TSC1: variants seen among roughly 807,000 people sequenced by gnomAD.
The protein encoded by TSC1 is hamartin.
TSC1 carries 20 observed loss-of-function variants against 124.3 expected under a neutral mutation model. The observed-to-expected ratio is 0.16, with a 90% CI of 0.11 to 0.23. The LOEUF is 0.23. Among genes scored for constraint, TSC1 ranks in the 10% least tolerant of loss-of-function variants. The probability of loss-of-function intolerance (pLI) is 1.00; values close to 1 mark genes in which losing one functional copy is unlikely to be tolerated. For missense variants in TSC1, 1,124 were observed against 1,448.5 expected (o/e 0.78, Z 3.64); for synonymous variants, 493 against 539.1 (o/e 0.91, Z 1.19).
rs751467429 is a variant in TSC1 at position 132,896,385 on chromosome 9, C to T, written c.3345G>A (p.Glu1115=). 1 of 1,614,230 alleles carries T rather than the reference C, an allele frequency of 6.2e-7. No individual in the cohort carries two copies. Among genetic ancestry groups the T allele is most frequent in the South Asian group, 1.1e-5 (1 of 91,082 alleles). ...CTTTGCCCAGTTCTGTCTTTAGGCT[C>T]TCAGAAAGGCTACTGGTCATGCCGT... ...DEDGMTSSLS[E]SLKTELGKDL... Residue 1115 remains glutamate, a synonymous_variant, in exon 23 of 23, where the codon GAG becomes GAA. Coordinates refer to ENST00000298552, the MANE Select transcript of TSC1 (RefSeq NM_000368.5). The surrounding 1 kb of genome is among the most constrained non-coding windows in gnomAD (Gnocchi z 4.5).
At chr9:132,943,001 A>G (rs1847819913) in intron 1 of TSC1, among the ~76,000 whole-genome samples, 1 of 152,234 alleles carries the variant, frequency 6.6e-6, no homozygotes, top group African/African-American at 2.4e-5. Context: ...AGGAATGTTC[A>G]ATTTAAGAAT....
chr9:132,918,543 A>G (rs1197770056), intron 8 of TSC1, among the ~76,000 whole-genome samples: 2 of 152,198 alleles, frequency 1.3e-5, no homozygotes, highest in Non-Finnish European at 2.9e-5. Context: ...TACCTGGATA[A>G]AGTATTCCAG....
At position 132,900,530 on chromosome 9, in the gene TSC1, T is replaced by C. The variant is rs562933287; in HGVS notation, c.2625+185A>G. On this transcript the variant is annotated intron_variant, in intron 20 of 22. Transcript: ENST00000298552. ...GTGAGTTAACTTCAAAGCAACCCAA[T>C]AGGAGAAACAAGCTCACATGGTGGC... 1.7e-4 allele frequency: 150 copies of C among 897,970 alleles called. No individual in the cohort carries two copies. In the African/African-American group the frequency reaches 1.9e-3, roughly 11 times the overall value. The allele number at this position is 897,970 out of a possible 1,614,324, so 55.6% of individuals were successfully genotyped here.
In TSC1 at chr9:132,937,173, G is replaced by A. The variant is rs545136916; in HGVS notation, c.-143-2078C>T. 2.1e-3 allele frequency among the ~76,000 whole-genome samples: 314 copies of A among 152,366 alleles called. 4 individuals carry two copies. Among genetic ancestry groups the A allele is most frequent in the African/African-American group, 7.0e-3 (291 of 41,584 alleles). On this transcript the variant is annotated intron_variant, in intron 1 of 22. Transcript: ENST00000298552. ...AGTGCAGGAGCCCAGGCCAGGTGTG[G>A]TGGCTCACGCCTGTAATCCCAGCAC...
At position 132,923,273 on chromosome 9, in the gene TSC1, C is replaced by T; in HGVS notation, c.508+75G>A. 1 of 1,579,924 alleles carries T rather than the reference C, an allele frequency of 6.3e-7. No individual in the cohort carries two copies. ...TAAAAGTCTACATGTCCATTCCTTA[C>T]AGCATATGAGCAATTAATCAATAAT... On this transcript the variant is annotated intron_variant, in intron 6 of 22. Coordinates refer to ENST00000298552, the MANE Select transcript of TSC1 (RefSeq NM_000368.5). The surrounding 1 kb of genome is among the most constrained non-coding windows in gnomAD (Gnocchi z 4.2).
intron 1 of TSC1, 73 bp downstream of exon 1, chr9:132,944,470 G>A (rs1352903457): frequency 5.0e-6 from 2 of 397,546 alleles, no homozygotes; most frequent in East Asian, 3.6e-5. Flanking sequence ...GAGCCTCCCC[G>A]GCTGGAGTCA....
In TSC1 at chr9:132,921,926, C is replaced by A. The variant is rs1279777367; in HGVS notation, c.556G>T (p.Ala186Ser). The A allele has an allele frequency of 3.1e-6, 5 of 1,614,124 alleles. No individual in the cohort carries two copies. The highest frequency in any genetic ancestry group is 4.2e-6 in the Non-Finnish European group (5 of 1,180,012). The part of the protein sequence containing the change: ...YLVHLHASVY[A>S]LFHRLYGMYP... ...ATTCCATAAAGGCGATGAAAGAGTG[C>A]GTACACACTGGCATGGAGATGGACG... is the stretch of plus-strand genomic sequence containing the variant. The change falls in exon 7 of 23, where the codon GCA (alanine) becomes TCA (serine). Residue 186 changes from alanine to serine, a missense_variant. Ala to Ser is a moderately conservative substitution (Grantham distance 99). Transcript: ENST00000298552. The surrounding 1 kb of genome is among the most constrained non-coding windows in gnomAD (Gnocchi z 4.3).
chr9:132,910,335 G>C (rs1006628739), intron 12 of TSC1: 9 of 658,532 alleles, frequency 1.4e-5, no homozygotes, highest in Non-Finnish European at 2.1e-5. Context: ...CAAGAGAGTA[G>C]GTTTGACCTG....
At chr9:132,900,605 G>A (rs545042329) in intron 20 of TSC1, 110 bp downstream of exon 20, 148 of 1,575,672 alleles carry the variant, frequency 9.4e-5, no homozygotes, top group African/African-American at 1.9e-4. Flanking sequence ...CTGCCGCTCC[G>A]TCTTTTAGGA....
intron 20 of TSC1, among the ~76,000 whole-genome samples, chr9:132,898,502 G>C (rs1447759384): frequency 6.6e-6 from 1 of 152,210 alleles, no homozygotes; most frequent in Non-Finnish European, 1.5e-5. Flanking sequence ...ATGCTGTCTG[G>C]TAAGCCCAAT....
chr9:132,917,462 C>T (rs1481724864), intron 8 of TSC1, among the ~76,000 whole-genome samples: 1 of 152,142 alleles, frequency 6.6e-6, no homozygotes, highest in Non-Finnish European at 1.5e-5. Context: ...TCCCAAGTAG[C>T]TGGGATTACA....
chr9:132,928,391 A>G (rs188687295), intron 3 of TSC1, among the ~76,000 whole-genome samples: 1 of 152,236 alleles, frequency 6.6e-6, no homozygotes, highest in Non-Finnish European at 1.5e-5. Flanking sequence ...TGGTAAGCAA[A>G]AAAGGGTACT....
At position 132,895,606 on chromosome 9, in the gene TSC1, G is replaced by T. The variant is rs1844990800; in HGVS notation, c.*629C>A. ...TCTGAAACAGGCTTCTGTTTACACAGAACTTTCTAGGAAGCTTATCAGAAC... is the reference window on the plus strand; with the variant it reads ...TCTGAAACAGGCTTCTGTTTACACATAACTTTCTAGGAAGCTTATCAGAAC... On this transcript the variant is annotated 3_prime_UTR_variant, in exon 23 of 23. Coordinates refer to ENST00000298552, the MANE Select transcript of TSC1 (RefSeq NM_000368.5). 1 of 234,910 alleles carries T rather than the reference G, an allele frequency of 4.3e-6. No individual in the cohort carries two copies. The highest frequency in any genetic ancestry group is 1.8e-4 in the South Asian group (1 of 5,590). The allele number at this position is 234,910 out of a possible 1,614,324, so 14.6% of individuals were successfully genotyped here.
At position 132,906,022 on chromosome 9, in the gene TSC1, G is replaced by A. The variant is rs2131842315; in HGVS notation, c.1556C>T (p.Thr519Ile). The change falls in exon 15 of 23, where the codon ACC becomes ATC. Residue 519 changes from threonine (T) to isoleucine (I), a missense_variant. Thr to Ile is a moderately conservative substitution (Grantham distance 89). This residue lies in a region of TSC1 where 321 missense variants were observed against 397.4 expected (regional missense o/e 0.81). Transcript: ENST00000298552. The surrounding 1 kb of genome is among the most constrained non-coding windows in gnomAD (Gnocchi z 4.1). ...CTGAGAACTGGAGGCTGCCGAGTGG[G>A]TCTTCCGCTGAGAACCTGGGAGACT... ...RDSLPGSQRKTHSAASSSQGA... is the reference protein window; with the variant it reads ...RDSLPGSQRKIHSAASSSQGA... 1.2e-6 allele frequency: 2 copies of A among 1,614,126 alleles called. No homozygotes were observed. The highest frequency in any genetic ancestry group is 1.7e-6 in the Non-Finnish European group (2 of 1,180,018).
Position 132,902,628 on chromosome 9 carries a change from A to G in TSC1, c.2368T>C (p.Tyr790His). 6.2e-7 allele frequency: 1 copy of G among 1,614,140 alleles called. No homozygotes were observed. The highest frequency in any genetic ancestry group is 2.2e-5 in the East Asian group (1 of 44,882). ...RQLQHDREEFYNQSQELQTKL... is the reference protein window; with the variant it reads ...RQLQHDREEFHNQSQELQTKL... ...ACCTGTAATTCCTGGCTCTGGTTGT[A>G]GAATTCCTCTCGGTCATGCTGCAGC... The change falls in exon 18 of 23, where the codon TAC becomes CAC. Residue 790 changes from tyrosine (Y) to histidine (H), a missense_variant. Tyr to His is a moderately conservative substitution (Grantham distance 83). This residue lies in a region of TSC1 where 321 missense variants were observed against 397.4 expected (regional missense o/e 0.81). Coordinates refer to ENST00000298552, the MANE Select transcript of TSC1 (RefSeq NM_000368.5). The surrounding 1 kb of genome is among the most constrained non-coding windows in gnomAD (Gnocchi z 5.2).
At chr9:132,927,077 A>G in intron 4 of TSC1, 124 bp downstream of exon 4, 3 of 905,366 alleles carry the variant, frequency 3.3e-6, no homozygotes, top group Non-Finnish European at 5.3e-6. Flanking sequence ...AACTGGGAAC[A>G]ATGTCATCAG....
chr9:132,894,338 CT>C lies in TSC1; in HGVS notation c.*1896del, dbSNP rs1222800470. 1 of 231,184 alleles carries C rather than the reference CT, an allele frequency of 4.3e-6. No individual in the cohort carries two copies. Among genetic ancestry groups the C allele is most frequent in the African/African-American group, 2.2e-5 (1 of 45,226 alleles). The allele number at this position is 231,184 out of a possible 1,614,324, so 14.3% of individuals were successfully genotyped here. A position where few individuals can be genotyped will look rare whatever the true frequency, so the allele number is the denominator to read the frequency against. ...CTTGGGCATGAGGAGAAGGAAAGCA[CT>C]TAAAACCAGTTTCAGGATTCACTGA... On this transcript the variant is annotated 3_prime_UTR_variant, in exon 23 of 23. Transcript: ENST00000298552.
intron 5 of TSC1, among the ~76,000 whole-genome samples, chr9:132,924,427 T>G (rs766973683): frequency 6.6e-6 from 1 of 152,218 alleles, no homozygotes; most frequent in African/African-American, 2.4e-5. Flanking sequence ...GGTAGGAGAA[T>G]TGAGAATATA....
At chr9:132,930,456 C>T (rs1270171303) in intron 2 of TSC1, among the ~76,000 whole-genome samples, 11 of 151,942 alleles carry the variant, frequency 7.2e-5, no homozygotes, top group African/African-American at 2.2e-4. Context: ...GGTGTGGTGG[C>T]GTGTGCCTGT....
Sources: gnomAD v4.1 joint callset for allele counts (sites outside exome capture counted in the v4.1 genomes callset) on GRCh38, gnomAD v4.1.1 for gene constraint, gnomAD v4.1.1 regional missense constraint, Gnocchi (gnomAD v3.1) non-coding constraint, MANE v1.5 for transcripts, NCBI Gene and HGNC (gene_info 2026-07-23, HGNC 2026-07-21) for gene names.